The following EYS variants were observed in gnomAD, a reference collection of about 807,000 sequenced individuals.
The protein encoded by EYS is EGF-like photoreceptor maintenance factor.
A neutral mutation model predicts 282.1 loss-of-function variants in EYS; 250 were observed. That is an observed-to-expected ratio of 0.89 (90% CI 0.80 to 0.98). EYS has a LOEUF of 0.98. Ranked by LOEUF, EYS falls within the 50% of genes least tolerant of loss-of-function variation. EYS has a pLI of 0.00. For synonymous variants in EYS, 1,355 were observed against 1,282.9 expected, an observed-to-expected ratio of 1.06 and a Z score of -1.20; for missense variants, 4,016 against 3,709.0, an observed-to-expected ratio of 1.08 and a Z score of -2.15.
intron 36 of EYS, among the ~76,000 whole-genome samples, chr6:63,832,131 A>G (rs939074719): frequency 3.3e-5 from 5 of 152,222 alleles, no homozygotes; most frequent in African/African-American, 1.2e-4. Flanking sequence ...TCTAAAATTG[A>G]CACCCTAACA....
At position 65,454,523 on chromosome 6, in the gene EYS, C is replaced by T. The variant is rs548014041; in HGVS notation, c.862+36071G>A. ...TGTTAGTTTGATGTAATCAAATTAG[C>T]CTATTTTTGCTTTTGTTGCCTGTGC... On this transcript the variant is annotated intron_variant, in intron 5 of 42. Coordinates refer to ENST00000503581, the MANE Select transcript of EYS (RefSeq NM_001142800.2). Among the ~76,000 whole-genome samples, 13 of 151,194 alleles carry T rather than the reference C, an allele frequency of 8.6e-5. 1 individual carries two copies. Among genetic ancestry groups the T allele is most frequent in the African/African-American group, 2.9e-4 (12 of 41,234 alleles).
intron 26 of EYS, among the ~76,000 whole-genome samples, chr6:64,588,246 A>G (rs878985566): frequency 6.6e-6 from 1 of 152,126 alleles, no homozygotes; most frequent in African/African-American, 2.4e-5. Flanking sequence ...TAAGAATTTT[A>G]GTGGAACAAG....
intron 12 of EYS, among the ~76,000 whole-genome samples, chr6:65,177,585 T>C (rs1486747470): frequency 6.6e-6 from 1 of 151,844 alleles, no homozygotes; most frequent in Non-Finnish European, 1.5e-5. Flanking sequence ...TCCAATTCAG[T>C]ATCTGTGTAT....
At chr6:63,789,903 A>C (rs1260009096) in intron 37 of EYS, among the ~76,000 whole-genome samples, 1 of 152,142 alleles carries the variant, frequency 6.6e-6, no homozygotes, top group Admixed American at 6.6e-5. Context: ...TCACTAGGGG[A>C]AGGTGCTAGC....
intron 2 of EYS, among the ~76,000 whole-genome samples, chr6:65,608,824 T>G (rs758432193): frequency 1.3e-5 from 2 of 152,038 alleles, no homozygotes; most frequent in Non-Finnish European, 2.9e-5. Flanking sequence ...TATTAGTCTA[T>G]GCCTACAAAG....
chr6:65,069,059 T>A (rs1773832528), intron 12 of EYS, among the ~76,000 whole-genome samples: 1 of 151,932 alleles, frequency 6.6e-6, no homozygotes. Flanking sequence ...TTACACACAT[T>A]TTCTCCTACA....
At chr6:65,598,248 CAA>C (rs1423302544) in intron 2 of EYS, among the ~76,000 whole-genome samples, 31 of 68,020 alleles carry the variant, frequency 4.6e-4, no homozygotes, top group South Asian at 8.2e-4. Context: ...ACCCCCCCCC[CAA>C]AAAAAAAAAC....
intron 12 of EYS, among the ~76,000 whole-genome samples, chr6:65,295,269 A>G (rs12203073): frequency 0.046 from 7,030 of 152,068 alleles, 221 homozygotes; most frequent in South Asian, 0.09. Context: ...ATGTAAGACC[A>G]ATCATAAAAA....
At chr6:64,464,924 A>C (rs1166647956) in intron 26 of EYS, among the ~76,000 whole-genome samples, 2 of 152,032 alleles carry the variant, frequency 1.3e-5, no homozygotes, top group Non-Finnish European at 2.9e-5. Context: ...AAGAACTAGC[A>C]ATGTTTTAAA....
chr6:64,815,794 A>T (rs1183647295), intron 21 of EYS, among the ~76,000 whole-genome samples: 1 of 152,106 alleles, frequency 6.6e-6, no homozygotes, highest in Non-Finnish European at 1.5e-5. Flanking sequence ...GACCCCAGTG[A>T]TATATTCATT....
intron 19 of EYS, among the ~76,000 whole-genome samples, chr6:64,880,862 A>C (rs916615975): frequency 2.0e-5 from 3 of 150,746 alleles, no homozygotes; most frequent in African/African-American, 7.3e-5. Flanking sequence ...ATTTCTATAC[A>C]CACGCTCTAG....
chr6:64,600,109 C>A (rs956098241), intron 24 of EYS, among the ~76,000 whole-genome samples: 3 of 152,028 alleles, frequency 2.0e-5, no homozygotes, highest in Non-Finnish European at 4.4e-5. Context: ...ACAGAAAAAA[C>A]CCAGCATCCT....
At chr6:64,546,915 A>G (rs1047240427) in intron 26 of EYS, among the ~76,000 whole-genome samples, 5 of 152,168 alleles carry the variant, frequency 3.3e-5, no homozygotes, top group African/African-American at 1.2e-4. Context: ...ACATTTTTAC[A>G]CTGTTGGTGC....
intron 29 of EYS, among the ~76,000 whole-genome samples, chr6:64,324,375 C>T (rs919628472): frequency 1.3e-5 from 2 of 152,070 alleles, no homozygotes; most frequent in Non-Finnish European, 2.9e-5. Flanking sequence ...GAATTAAAAG[C>T]AAAAATCAAA....
chr6:64,408,676 A>C (rs911479465), intron 28 of EYS, among the ~76,000 whole-genome samples: 1 of 152,210 alleles, frequency 6.6e-6, no homozygotes, highest in African/African-American at 2.4e-5. Context: ...GAAGAGATAC[A>C]AAAACCAAAC....
intron 30 of EYS, among the ~76,000 whole-genome samples, chr6:64,273,423 G>GT (rs1247561654): frequency 1.3e-5 from 2 of 151,988 alleles, no homozygotes; most frequent in South Asian, 4.2e-4. Flanking sequence ...TGTCCTCAGT[G>GT]TTTTTTTCCC....
intron 36 of EYS, among the ~76,000 whole-genome samples, chr6:63,838,721 A>T (rs1771873074): frequency 6.6e-6 from 1 of 152,128 alleles, no homozygotes; most frequent in Non-Finnish European, 1.5e-5. Flanking sequence ...TCTCCTAAAG[A>T]GTAGGCCTCT....
chr6:65,357,871 C>G (rs6455038), intron 8 of EYS, among the ~76,000 whole-genome samples: 102,244 of 151,500 alleles, frequency 0.67, 34,555 homozygotes, highest in South Asian at 0.71. Context: ...TATTTTTTTT[C>G]GTTTTTGTAA....
chr6:64,365,173 G>C (rs1001140191), intron 29 of EYS, among the ~76,000 whole-genome samples: 3 of 151,866 alleles, frequency 2.0e-5, no homozygotes, highest in South Asian at 2.1e-4. Context: ...TAAGGAACAT[G>C]GGCAATGGCA....
Sources: allele counts gnomAD v4.1 joint callset (sites outside exome capture counted in the v4.1 genomes callset), GRCh38; gene constraint gnomAD v4.1.1; transcripts MANE v1.5; gene names NCBI Gene and HGNC (gene_info 2026-07-23, HGNC 2026-07-21).